Variants in GSG1L observed in about 807,000 individuals in gnomAD.
The protein encoded by GSG1L is germ cell-specific gene 1-like protein.
GSG1L carries 24 observed loss-of-function variants against 42.1 expected under a neutral mutation model. The observed-to-expected ratio is 0.57, with a 90% CI of 0.41 to 0.80. The LOEUF is 0.80. GSG1L is among the 30% of genes least tolerant of loss of function. GSG1L has a pLI of 0.00. For missense variants in GSG1L, 445 were observed against 472.2 expected, an observed-to-expected ratio of 0.94 and a Z score of 0.53; for synonymous variants, 215 against 203.5, an observed-to-expected ratio of 1.06 and a Z score of -0.48.
chr16:28,022,252 T>C (rs925937818), intron 1 of GSG1L, among the ~76,000 whole-genome samples: 2 of 152,254 alleles, frequency 1.3e-5, no homozygotes, highest in African/African-American at 4.8e-5. Flanking sequence ...ACCTCAGAGG[T>C]GATTACATGA....
intron 1 of GSG1L, among the ~76,000 whole-genome samples, chr16:28,014,961 G>C (rs1257795437): frequency 6.6e-6 from 1 of 152,240 alleles, no homozygotes; most frequent in African/African-American, 2.4e-5. Flanking sequence ...CCCCAGCCAG[G>C]TTGTGAGCTT....
chr16:28,055,721 C>T (rs2086271672), intron 1 of GSG1L, among the ~76,000 whole-genome samples: 1 of 151,320 alleles, frequency 6.6e-6, no homozygotes, highest in Non-Finnish European at 1.5e-5. Context: ...CCGCCCACCT[C>T]GGCCTCCCAA....
At chr16:27,911,831 C>T (rs1000776020) in intron 2 of GSG1L, among the ~76,000 whole-genome samples, 1 of 152,188 alleles carries the variant, frequency 6.6e-6, no homozygotes, top group Non-Finnish European at 1.5e-5. Flanking sequence ...CCCCGCTTTA[C>T]TTTTCTCCAC....
chr16:27,799,123 G>A (rs2082852889), intron 6 of GSG1L, among the ~76,000 whole-genome samples: 2 of 152,054 alleles, frequency 1.3e-5, no homozygotes, highest in South Asian at 2.1e-4. Flanking sequence ...AAGGGAGCAG[G>A]CCGGGTGTGG....
intron 5 of GSG1L, among the ~76,000 whole-genome samples, chr16:27,815,718 AAT>A (rs2083087181): frequency 1.3e-5 from 2 of 152,168 alleles, no homozygotes; most frequent in South Asian, 4.1e-4. Context: ...ATGGGCACAT[AAT>A]ATACCTATTC....
At chr16:27,874,948 G>A (rs1433105062) in intron 3 of GSG1L, among the ~76,000 whole-genome samples, 1 of 152,188 alleles carries the variant, frequency 6.6e-6, no homozygotes, top group Non-Finnish European at 1.5e-5. Flanking sequence ...CATTAAGCCT[G>A]TGGAGTGTGA....
chr16:28,004,559 G>C (rs1428545035), intron 1 of GSG1L, among the ~76,000 whole-genome samples: 1 of 146,302 alleles, frequency 6.8e-6, no homozygotes, highest in Non-Finnish European at 1.5e-5. Flanking sequence ...AGGGTTGCTT[G>C]AGGTCATGAG....
chr16:27,828,385 ATCC>A (rs1352491689), intron 5 of GSG1L, among the ~76,000 whole-genome samples: 9 of 152,208 alleles, frequency 5.9e-5, no homozygotes, highest in Admixed American at 5.9e-4. Context: ...TTGAGAAGCC[ATCC>A]TCCTCCTGGA....
intron 1 of GSG1L, among the ~76,000 whole-genome samples, chr16:28,005,620 TG>T (rs71140938): frequency 0.26 from 37,664 of 147,370 alleles, 5,028 homozygotes; most frequent in Non-Finnish European, 0.31. Flanking sequence ...GTATGAATGG[TG>T]GGGGGGGAGG....
At chr16:27,881,555 G>A (rs2141021265) in intron 3 of GSG1L, among the ~76,000 whole-genome samples, 1 of 152,170 alleles carries the variant, frequency 6.6e-6, no homozygotes, top group African/African-American at 2.4e-5. Flanking sequence ...TCATACTTTT[G>A]AAGGAGTGCA....
chr16:27,995,133 A>G (rs1271380063), intron 1 of GSG1L, among the ~76,000 whole-genome samples: 3 of 152,196 alleles, frequency 2.0e-5, no homozygotes, highest in Non-Finnish European at 4.4e-5. Flanking sequence ...CTCGAGAAGA[A>G]TGGGAGAAAC....
At chr16:27,979,757 A>AGAAAGAAG (rs2085302534) in intron 1 of GSG1L, among the ~76,000 whole-genome samples, 1 of 137,808 alleles carries the variant, frequency 7.3e-6, no homozygotes, top group Non-Finnish European at 1.6e-5. Flanking sequence ...AAGGAAAGAA[A>AGAAAGAAG]GAAAGAAAGA....
At chr16:28,060,705 G>A (rs1160017367) in intron 1 of GSG1L, among the ~76,000 whole-genome samples, 2 of 152,098 alleles carry the variant, frequency 1.3e-5, no homozygotes, top group Non-Finnish European at 2.9e-5. Flanking sequence ...TCCCCTGTGA[G>A]CCTAAGTTCC....
intron 1 of GSG1L, among the ~76,000 whole-genome samples, chr16:27,964,638 A>C (rs1375160721): frequency 6.6e-6 from 1 of 152,246 alleles, no homozygotes; most frequent in East Asian, 1.9e-4. Context: ...ATGGAATCGG[A>C]AGTCATTATG....
rs1451756941 is a variant in GSG1L at position 28,059,223 on chromosome 16, C to G, written c.349+3853G>C. ...CTGCTAGTAAGAGGCTGAGCCCAGC[C>G]TTGAACTTCCACCAGTTCTACAGGG... On this transcript the variant is annotated intron_variant, in intron 1 of 6. Coordinates refer to ENST00000447459, the MANE Select transcript of GSG1L (RefSeq NM_001109763.2). This position sits in a 1 kb window ranked among gnomAD's most constrained non-coding sequence, Gnocchi z 4.4. Among the ~76,000 whole-genome samples the G allele has an allele frequency of 6.6e-6, 1 of 152,204 alleles. No homozygotes were observed. The highest frequency in any genetic ancestry group is 2.4e-5 in the African/African-American group (1 of 41,450).
intron 1 of GSG1L, among the ~76,000 whole-genome samples, chr16:28,032,048 A>G (rs759267064): frequency 3.9e-5 from 6 of 152,260 alleles, no homozygotes; most frequent in Non-Finnish European, 8.8e-5. Context: ...CAGCAAGATC[A>G]CAGGGGAACT....
intron 6 of GSG1L, among the ~76,000 whole-genome samples, chr16:27,791,835 GCCATCCTCCTACCACCCAGTAACCCAA>G (rs1336375920): frequency 2.6e-5 from 4 of 151,784 alleles, no homozygotes; most frequent in Non-Finnish European, 5.9e-5. Context: ...CACTCCCCCA[GCCATCCTCCTACCACCCAGTAACCCAA>G]CCATCCTCCT....
chr16:27,946,481 G>C (rs2084861149), intron 2 of GSG1L, among the ~76,000 whole-genome samples: 1 of 150,756 alleles, frequency 6.6e-6, no homozygotes, highest in African/African-American at 2.4e-5. Flanking sequence ...GGAGACAGAG[G>C]TTGCAGTGAG....
chr16:28,056,055 C>T (rs933587290), intron 1 of GSG1L, among the ~76,000 whole-genome samples: 3 of 152,124 alleles, frequency 2.0e-5, no homozygotes, highest in South Asian at 2.1e-4. Context: ...TAGAGAGCCC[C>T]GGCCTCTCGC....
Sources: allele counts gnomAD v4.1 joint callset (sites outside exome capture counted in the v4.1 genomes callset), GRCh38; gene constraint gnomAD v4.1.1; non-coding constraint Gnocchi (gnomAD v3.1); transcripts MANE v1.5; gene names NCBI Gene and HGNC (gene_info 2026-07-23, HGNC 2026-07-21).